GADL1: variants seen among roughly 807,000 people sequenced by gnomAD.
The protein encoded by GADL1 is GAD like acidic amino acid decarboxylase 1.
A neutral mutation model predicts 69.5 loss-of-function variants in GADL1; 71 were observed. The observed-to-expected ratio is 1.02, with a 90% CI of 0.84 to 1.25. The LOEUF is 1.25. GADL1 is among the 50% of genes most tolerant of loss of function. GADL1 has a pLI of 0.00. For missense variants in GADL1, 737 were observed against 631.8 expected, an observed-to-expected ratio of 1.17 and a Z score of -1.79; for synonymous variants, 254 against 214.4, an observed-to-expected ratio of 1.18 and a Z score of -1.62.
intron 14 of GADL1, among the ~76,000 whole-genome samples, chr3:30,774,945 T>C (rs1696499104): frequency 6.6e-6 from 1 of 151,960 alleles, no homozygotes; most frequent in Non-Finnish European, 1.5e-5. Context: ...GAAAAGGAGA[T>C]GGCAGGAGGC....
intron 6 of GADL1, among the ~76,000 whole-genome samples, chr3:30,846,065 AAAAC>A (rs1270993062): frequency 2.6e-5 from 4 of 152,058 alleles, no homozygotes; most frequent in Non-Finnish European, 5.9e-5. Flanking sequence ...AAAAAAAAAA[AAAAC>A]AAAAAACTGC....
chr3:30,832,023 C>A (rs1393552329), intron 11 of GADL1, among the ~76,000 whole-genome samples: 1 of 151,788 alleles, frequency 6.6e-6, no homozygotes, highest in South Asian at 2.1e-4. Context: ...CAGTGTCAAG[C>A]CTACACAGAT....
chr3:30,865,894 A>C (rs1698395466), intron 1 of GADL1, among the ~76,000 whole-genome samples: 1 of 151,960 alleles, frequency 6.6e-6, no homozygotes, highest in Non-Finnish European at 1.5e-5. Context: ...AAAGACTCCA[A>C]CTTCTGCATT....
chr3:30,845,494 A>G (rs1270614447), intron 6 of GADL1, among the ~76,000 whole-genome samples: 1 of 152,190 alleles, frequency 6.6e-6, no homozygotes, highest in Non-Finnish European at 1.5e-5. Context: ...ATATTCCCTC[A>G]AATGTGGTAA....
At chr3:30,855,512 T>TA (rs1698215608) in intron 3 of GADL1, among the ~76,000 whole-genome samples, 1 of 152,108 alleles carries the variant, frequency 6.6e-6, no homozygotes, top group Non-Finnish European at 1.5e-5. Context: ...TGGAGTAAGA[T>TA]GTGACTCACT....
intron 1 of GADL1, among the ~76,000 whole-genome samples, chr3:30,888,544 A>AT (rs1698739030): frequency 6.6e-6 from 1 of 152,022 alleles, no homozygotes; most frequent in South Asian, 2.1e-4. Context: ...ATTCTGAGAC[A>AT]TTTTTTTCAG....
chr3:30,770,450 A>G (rs1696391539), intron 14 of GADL1, among the ~76,000 whole-genome samples: 1 of 152,228 alleles, frequency 6.6e-6, no homozygotes. Flanking sequence ...CGTACAGAGA[A>G]TAGTATACTC....
chr3:30,823,411 T>C (rs1273304819), intron 11 of GADL1, among the ~76,000 whole-genome samples: 3 of 152,004 alleles, frequency 2.0e-5, no homozygotes, highest in African/African-American at 4.8e-5. Context: ...CTTTTCTTGT[T>C]TGGGACCCAA....
intron 11 of GADL1, among the ~76,000 whole-genome samples, chr3:30,816,530 CTTTTTTTTTTTTTTTTTTTTTT>C (rs773530741): frequency 1.5e-4 from 8 of 53,996 alleles, no homozygotes; most frequent in African/African-American, 2.8e-4. Context: ...AATTTGTTTT[CTTTTTTTTTTTTTTTTTTTTTT>C]TTTTTTTTTT....
chr3:30,773,011 TAGGAAGGAGGGGAGAG>T (rs1281408550), intron 14 of GADL1, among the ~76,000 whole-genome samples: 1 of 138,448 alleles, frequency 7.2e-6, no homozygotes, highest in Non-Finnish European at 1.5e-5. Flanking sequence ...TACTGTGTGT[TAGGAAGGAGGGGAGAG>T]ATAGGGAGGA....
intron 14 of GADL1, among the ~76,000 whole-genome samples, chr3:30,752,614 G>T (rs901046869): frequency 6.6e-6 from 1 of 152,020 alleles, no homozygotes; most frequent in Non-Finnish European, 1.5e-5. Flanking sequence ...CTCTTAACCT[G>T]TTCCCCTTAA....
intron 14 of GADL1, among the ~76,000 whole-genome samples, chr3:30,763,691 C>T (rs764369511): frequency 4.6e-5 from 7 of 152,130 alleles, no homozygotes; most frequent in Admixed American, 2.0e-4. Flanking sequence ...GAATACCATA[C>T]GTTACATCAA....
intron 11 of GADL1, among the ~76,000 whole-genome samples, chr3:30,809,671 ATGTTT>A (rs1462640076): frequency 1.3e-5 from 2 of 152,166 alleles, no homozygotes; most frequent in Non-Finnish European, 2.9e-5. Context: ...TTTCTGGAAG[ATGTTT>A]TGTACAGAAG....
At position 30,768,564 on chromosome 3, in the gene GADL1, GGTGGGGA is replaced by G. The variant is rs1376329266; in HGVS notation, c.1392+9608_1392+9614del. On this transcript the variant is annotated intron_variant, in intron 14 of 14. Coordinates refer to ENST00000282538, the MANE Select transcript of GADL1 (RefSeq NM_207359.3). ...AAGGAGAAGAGGGGGAGAGAGAAGG[GGTGGGGA>G]GGGGGAGGAGAGGCGGAGAAGGAAG... Among the ~76,000 whole-genome samples, 29 of 143,934 alleles carry G rather than the reference GGTGGGGA, an allele frequency of 2.0e-4. 1 individual carries two copies. In the East Asian group the frequency reaches 4.6e-3, roughly 23 times the overall value. The allele number at this position is 143,934 out of a possible 152,430, so 94.4% of individuals were successfully genotyped here. A position where few individuals can be genotyped will look rare whatever the true frequency, so the allele number is the denominator to read the frequency against.
intron 14 of GADL1, among the ~76,000 whole-genome samples, chr3:30,756,248 A>G (rs1695966649): frequency 6.6e-6 from 1 of 152,204 alleles, no homozygotes; most frequent in South Asian, 2.1e-4. Flanking sequence ...GTAAGTTCTG[A>G]AACTCAGCTA....
rs1412865161 is a variant in GADL1, at chr3:30,727,094, A to C, written c.*1148T>G. 6.7e-6 allele frequency: 1 copy of C among 150,234 alleles called. No individual in the cohort carries two copies. Among genetic ancestry groups the C allele is most frequent in the Non-Finnish European group, 1.5e-5 (1 of 67,146 alleles). The allele number at this position is 150,234 out of a possible 1,614,324, so 9.3% of individuals were successfully genotyped here. A position where few individuals can be genotyped will look rare whatever the true frequency, so the allele number is the denominator to read the frequency against. ...GAAACATATATGTGTGTATATATAT[A>C]TATACTATACACACACATATGTATG... is the stretch of plus-strand genomic sequence containing the variant. On this transcript the variant is annotated 3_prime_UTR_variant, in exon 15 of 15. Coordinates refer to ENST00000282538, the MANE Select transcript of GADL1 (RefSeq NM_207359.3).
intron 14 of GADL1, among the ~76,000 whole-genome samples, chr3:30,758,092 T>C (rs1192066344): frequency 2.0e-5 from 3 of 152,208 alleles, no homozygotes; most frequent in Non-Finnish European, 2.9e-5. Context: ...GCTTTCATAG[T>C]TTCCTGCACA....
At chr3:30,777,645 C>T (rs942499589) in intron 14 of GADL1, among the ~76,000 whole-genome samples, 1 of 152,120 alleles carries the variant, frequency 6.6e-6, no homozygotes, top group Non-Finnish European at 1.5e-5. Flanking sequence ...TATCATCAGC[C>T]CCAACAGCTG....
At chr3:30,738,951 T>G (rs1316835353) in intron 14 of GADL1, among the ~76,000 whole-genome samples, 1 of 152,194 alleles carries the variant, frequency 6.6e-6, no homozygotes, top group Non-Finnish European at 1.5e-5. Context: ...ATTGGGAAAT[T>G]AGCAGCTACA....
Sources: gnomAD v4.1 joint callset for allele counts (sites outside exome capture counted in the v4.1 genomes callset) on GRCh38, gnomAD v4.1.1 for gene constraint, MANE v1.5 for transcripts, NCBI Gene and HGNC (gene_info 2026-07-23, HGNC 2026-07-21) for gene names.